Variants in ARIH2 observed in about 807,000 individuals in gnomAD.
ARIH2 encodes ariadne RBR E3 ubiquitin protein ligase 2, also known as E3 ubiquitin-protein ligase ARIH2.
In ARIH2, 12 loss-of-function variants were observed where a neutral mutation model predicts 79.8. The ratio of observed to expected loss-of-function variants is 0.15; its 90% CI spans 0.10 to 0.24. The LOEUF is 0.24. ARIH2 is among the 10% of genes least tolerant of loss of function. ARIH2 has a pLI of 1.00. For synonymous variants in ARIH2, 224 were observed against 213.9 expected, an observed-to-expected ratio of 1.05 and a Z score of -0.41; for missense variants, 301 against 618.3, an observed-to-expected ratio of 0.49 and a Z score of 5.44.
intron 3 of ARIH2, among the ~76,000 whole-genome samples, chr3:48,936,509 G>A (rs952083952): frequency 2.6e-5 from 4 of 152,180 alleles, no homozygotes; most frequent in Non-Finnish European, 4.4e-5. Flanking sequence ...CAAGGCAGGC[G>A]GATCACCTGA....
At chr3:48,923,339 G>A (rs894112776) in intron 2 of ARIH2, among the ~76,000 whole-genome samples, 1 of 151,818 alleles carries the variant, frequency 6.6e-6, no homozygotes, top group East Asian at 1.9e-4. Context: ...GGCAGAGGTT[G>A]CAGTGAGCTG....
chr3:48,952,605 AGTG>A (rs752340066), intron 3 of ARIH2, among the ~76,000 whole-genome samples: 21 of 152,134 alleles, frequency 1.4e-4, no homozygotes, highest in Non-Finnish European at 2.6e-4. Flanking sequence ...TGGACACTGG[AGTG>A]GTGATGATGG....
chr3:48,950,840 C>T (rs2089847899), intron 3 of ARIH2, among the ~76,000 whole-genome samples: 1 of 151,762 alleles, frequency 6.6e-6, no homozygotes, highest in African/African-American at 2.4e-5. Context: ...TATTAAAATT[C>T]ACCCACTTAA....
At chr3:48,979,808 G>A (rs913227054) in intron 12 of ARIH2, 175 bp downstream of exon 12, 1 of 636,688 alleles carries the variant, frequency 1.6e-6, no homozygotes, top group African/African-American at 1.8e-5. Context: ...AAGCTCTATA[G>A]GGTATATCCC....
At chr3:48,956,001 T>C (rs2090526597) in intron 3 of ARIH2, among the ~76,000 whole-genome samples, 1 of 152,232 alleles carries the variant, frequency 6.6e-6, no homozygotes, top group African/African-American at 2.4e-5. Flanking sequence ...CTGGTGTCCA[T>C]TACTGGATGA....
intron 5 of ARIH2, among the ~76,000 whole-genome samples, 200 bp from the exon 6 acceptor site, chr3:48,966,925 C>T (rs1353179747): frequency 3.9e-5 from 6 of 152,212 alleles, no homozygotes; most frequent in African/African-American, 7.2e-5. Context: ...CCCAGCCCAG[C>T]TGCCACCTCC....
rs1440229020 is a variant in ARIH2, at chr3:48,949,550, G to T, written c.256-12062G>T. On this transcript the variant is annotated intron_variant, in intron 3 of 15. Transcript: ENST00000356401. The stretch of plus-strand genomic sequence containing the variant: ...GGTCTTCTGGATTATAATCATTCTA[G>T]TGAGTGTGTAATACCTTGTGGTTTT... Among the ~76,000 whole-genome samples the T allele has an allele frequency of 2.0e-5, 3 of 152,170 alleles. No homozygotes were observed. The East Asian group carries it at 5.8e-4, about 29-fold the overall frequency.
Position 48,970,563 on chromosome 3 carries a change from G to A in ARIH2, c.661-32G>A, listed in dbSNP as rs755461211. 1.0e-5 allele frequency: 15 copies of A among 1,436,060 alleles called. No individual in the cohort carries two copies. The African/African-American group carries it at 1.4e-4, about 13-fold the overall frequency. 89.0% of individuals were successfully genotyped at this position (1,436,060 alleles called of 1,614,324 possible). On this transcript the variant is annotated intron_variant, in intron 7 of 15. Coordinates refer to ENST00000356401, the MANE Select transcript of ARIH2 (RefSeq NM_006321.4). ...GATTTTTAGACAGCAACTAAGAGAT[G>A]TCCTCATTGTTTCCTCTTGGTGTGT... is the stretch of plus-strand genomic sequence containing the variant.
At position 48,979,644 on chromosome 3, in the gene ARIH2, T is replaced by C; in HGVS notation, c.1113+11T>C. On this transcript the variant is annotated intron_variant, in intron 12 of 15. Transcript: ENST00000356401. ...TTCTACTTTGAGAGGGTAGGTGTCC[T>C]CTCCTGTACCTTCCCCTACAGGGTA... 3 of 1,613,480 alleles carry C rather than the reference T, an allele frequency of 1.9e-6. No homozygotes were observed. Among genetic ancestry groups the C allele is most frequent in the Non-Finnish European group, 2.5e-6 (3 of 1,179,862 alleles).
chr3:48,955,054 T>C (rs1338783405), intron 3 of ARIH2, among the ~76,000 whole-genome samples: 1 of 151,982 alleles, frequency 6.6e-6, no homozygotes, highest in African/African-American at 2.4e-5. Flanking sequence ...CAAAAATAGC[T>C]GGGCGTGGTG....
chr3:48,948,242 T>A (rs1052070935), intron 3 of ARIH2, among the ~76,000 whole-genome samples: 1 of 152,138 alleles, frequency 6.6e-6, no homozygotes, highest in African/African-American at 2.4e-5. Context: ...ATTACCGGCG[T>A]GAGCCACTGC....
At chr3:48,933,240 GTGTGTGTGT>G (rs2086630393) in intron 3 of ARIH2, among the ~76,000 whole-genome samples, 1 of 3,640 alleles carries the variant, frequency 2.7e-4, no homozygotes, top group Non-Finnish European at 6.0e-4. Flanking sequence ...GCCCGGGTGT[GTGTGTGTGT>G]GTGTGTGTGT....
chr3:48,978,419 G>GTA (rs202143582), intron 11 of ARIH2, among the ~76,000 whole-genome samples: 1 of 46,932 alleles, frequency 2.1e-5, no homozygotes, highest in Non-Finnish European at 4.4e-5. Context: ...GCTAATTTGT[G>GTA]TATGTGTGTG....
intron 8 of ARIH2, among the ~76,000 whole-genome samples, chr3:48,971,762 G>A (rs1283449038): frequency 6.6e-6 from 1 of 152,162 alleles, no homozygotes; most frequent in South Asian, 2.1e-4. Context: ...TAATGCAGTG[G>A]TTCTTTCATT....
chr3:48,928,164 C>T (rs977815246), intron 3 of ARIH2, among the ~76,000 whole-genome samples: 1 of 152,308 alleles, frequency 6.6e-6, no homozygotes, highest in Non-Finnish European at 1.5e-5. Context: ...GCATCAGAAT[C>T]ACCATCTTCT....
At chr3:48,952,252 T>C (rs1475273672) in intron 3 of ARIH2, among the ~76,000 whole-genome samples, 1 of 152,198 alleles carries the variant, frequency 6.6e-6, no homozygotes, top group Admixed American at 6.6e-5. Flanking sequence ...AAGGGCATTA[T>C]TGGTAGCTGA....
intron 5 of ARIH2, 83 bp downstream of exon 5, chr3:48,965,065 T>G (rs1027643043): frequency 7.3e-7 from 1 of 1,370,666 alleles, no homozygotes; most frequent in Non-Finnish European, 1.0e-6. Context: ...AGAGCTATCT[T>G]TACTTGGCTG....
chr3:48,973,433 C>T (rs550952389), intron 8 of ARIH2, among the ~76,000 whole-genome samples: 6 of 151,936 alleles, frequency 3.9e-5, no homozygotes, highest in Non-Finnish European at 8.8e-5. Flanking sequence ...AAAAATTAGC[C>T]GGGCATGGTG....
chr3:48,975,799 G>T (rs181751992), intron 11 of ARIH2, among the ~76,000 whole-genome samples: 1 of 152,120 alleles, frequency 6.6e-6, no homozygotes, highest in African/African-American at 2.4e-5. Context: ...CTGACCTCAG[G>T]TGATCTCCCT....
Sources: allele counts gnomAD v4.1 joint callset (sites outside exome capture counted in the v4.1 genomes callset), GRCh38; gene constraint gnomAD v4.1.1; transcripts MANE v1.5; gene names NCBI Gene and HGNC (gene_info 2026-07-23, HGNC 2026-07-21).